The following KDM8 variants were observed in gnomAD, a reference collection of about 807,000 sequenced individuals.
KDM8 encodes lysine demethylase 8.
A neutral mutation model predicts 46.9 loss-of-function variants in KDM8; 35 were observed. The observed-to-expected ratio is 0.75, with a 90% CI of 0.57 to 0.99. The LOEUF (loss-of-function observed/expected upper bound fraction) is 0.99. KDM8 is among the 50% of genes least tolerant of loss of function. The probability of loss-of-function intolerance (pLI) is 0.00; values close to 1 mark genes in which losing one functional copy is unlikely to be tolerated. For missense variants in KDM8, 475 were observed against 537.0 expected, an observed-to-expected ratio of 0.88 and a Z score of 1.14; for synonymous variants, 232 against 227.7, an observed-to-expected ratio of 1.02 and a Z score of -0.17.
chr16:27,207,775 G>A (rs1451760925), intron 1 of KDM8, among the ~76,000 whole-genome samples: 1 of 152,186 alleles, frequency 6.6e-6, no homozygotes, highest in African/African-American at 2.4e-5. Context: ...TTTAGAGACA[G>A]GGTCTTTACA....
In KDM8 at chr16:27,214,999, C is replaced by T. The variant is rs1005877843; in HGVS notation, c.789C>T (p.Ile263=). ...TCAACGAGTTCATCAGCAAATACAT[C>T]GTGAATGAGGTACATCATGGGGACT... is the stretch of plus-strand genomic sequence containing the variant. ...MTVNEFISKY[I]VNEPRDVGYL... Residue 263 remains isoleucine (I), a synonymous_variant, in exon 4 of 8, where the codon ATC becomes ATT. Coordinates refer to ENST00000286096, the MANE Select transcript of KDM8 (RefSeq NM_024773.3). The T allele has an allele frequency of 2.7e-5, 43 of 1,613,944 alleles. No individual in the cohort carries two copies. Among genetic ancestry groups the T allele is most frequent in the Middle Eastern group, 1.6e-4 (1 of 6,084 alleles).
Position 27,206,557 on chromosome 16 carries a change from C to T in KDM8, c.-32+2921C>T, listed in dbSNP as rs368117310. The stretch of plus-strand genomic sequence containing the variant: ...AAAGTGCTAGGATGACAGGCGTGAG[C>T]GATGCACGTGGCCTTAATATAAGAC... On this transcript the variant is annotated intron_variant, in intron 1 of 7. Transcript: ENST00000286096. Among the ~76,000 whole-genome samples the T allele has an allele frequency of 4.0e-4, 61 of 152,328 alleles. 1 individual carries two copies. Among genetic ancestry groups the T allele is most frequent in the African/African-American group, 1.4e-3 (57 of 41,568 alleles).
chr16:27,214,340 C>T (rs2083522886), intron 3 of KDM8: 1 of 157,468 alleles, frequency 6.4e-6, no homozygotes, highest in Non-Finnish European at 1.4e-5. Context: ...CAGGAGCTCT[C>T]CTCACAGCAA....
chr16:27,210,705 G>A (rs1351206823), intron 2 of KDM8, 84 bp downstream of exon 2: 3 of 1,378,400 alleles, frequency 2.2e-6, no homozygotes, highest in Middle Eastern at 1.9e-4. Context: ...TCTCCCCTGG[G>A]GTGAGGCCTC....
chr16:27,213,387 G>A (rs2083507708), intron 2 of KDM8, 198 bp from the exon 3 acceptor site: 11 of 519,650 alleles, frequency 2.1e-5, no homozygotes, highest in African/African-American at 3.9e-5. Context: ...TGATGAAATG[G>A]TTAAGAAAAA....
rs1005458462 is a variant in KDM8 at position 27,220,989 on chromosome 16, A to G, written c.*259A>G. Reference sequence around the variant, plus strand: ...GAGCCCAGAAGGACATTGCAGACAGACAGCCTGCATGGGGACTCTGGCATC... The same window carrying G: ...GAGCCCAGAAGGACATTGCAGACAGGCAGCCTGCATGGGGACTCTGGCATC... On this transcript the variant is annotated 3_prime_UTR_variant, in exon 8 of 8. Coordinates refer to ENST00000286096, the MANE Select transcript of KDM8 (RefSeq NM_024773.3). The G allele has an allele frequency of 2.6e-5, 14 of 538,762 alleles. No individual in the cohort carries two copies. The highest frequency in any genetic ancestry group is 2.3e-4 in the African/African-American group (12 of 52,576). The allele number at this position is 538,762 out of a possible 1,614,324, so 33.4% of individuals were successfully genotyped here. A position where few individuals can be genotyped will look rare whatever the true frequency, so the allele number is the denominator to read the frequency against.
intron 7 of KDM8, 24 bp downstream of exon 7, chr16:27,220,509 A>T: frequency 6.2e-7 from 1 of 1,614,036 alleles, no homozygotes; most frequent in Non-Finnish European, 8.5e-7. Context: ...GTCTGGGGTG[A>T]CGTTGCAGGT....
At chr16:27,218,916 C>A in intron 5 of KDM8, 45 bp from the exon 6 acceptor site, 2 of 1,612,380 alleles carry the variant, frequency 1.2e-6, no homozygotes, top group South Asian at 2.2e-5. Flanking sequence ...GCTGCGGTGT[C>A]CCCAGCCGGA....
chr16:27,206,266 C>T (rs899778194), intron 1 of KDM8: 6 of 947,386 alleles, frequency 6.3e-6, no homozygotes, highest in African/African-American at 5.3e-5. Context: ...CTTTTGTGTG[C>T]GTGTGCTTTT....
rs372457448 is a variant in KDM8, at chr16:27,221,194, G to T, written c.*464G>T. The T allele has an allele frequency of 6.7e-6, 2 of 299,938 alleles. No homozygotes were observed. Among genetic ancestry groups the T allele is most frequent in the South Asian group, 6.1e-5 (2 of 32,732 alleles). 18.6% of individuals were successfully genotyped at this position (299,938 alleles called of 1,614,324 possible). A position where few individuals can be genotyped will look rare whatever the true frequency, so the allele number is the denominator to read the frequency against. On this transcript the variant is annotated 3_prime_UTR_variant, in exon 8 of 8. Coordinates refer to ENST00000286096, the MANE Select transcript of KDM8 (RefSeq NM_024773.3). ...GAGGGCAAGGCCAGTCCTCACTGCC[G>T]AGGGCCGAGAAGGCGGTGCCGAGCC...
intron 1 of KDM8, 191 bp downstream of exon 1, chr16:27,203,827 G>C: frequency 2.4e-6 from 1 of 419,998 alleles, no homozygotes; most frequent in Non-Finnish European, 4.3e-6. Context: ...GCTCGTCGCC[G>C]GCCTGCCCTG....
chr16:27,212,727 C>T (rs1408731294), intron 2 of KDM8, among the ~76,000 whole-genome samples: 4 of 152,126 alleles, frequency 2.6e-5, no homozygotes, highest in South Asian at 2.1e-4. Context: ...GAGCAAGACT[C>T]GGTCTCAATA....
rs756974942 is a variant in KDM8, at chr16:27,210,391, G to A, written c.268G>A (p.Asp90Asn). 6.2e-7 allele frequency: 1 copy of A among 1,612,768 alleles called. No individual in the cohort carries two copies. The highest frequency in any genetic ancestry group is 8.5e-7 in the Non-Finnish European group (1 of 1,179,546). ...GGGCACATGGCAGGACGTAGACAAAGACTGGCGCCGGGTCTACGCCATCGG... is the reference window on the plus strand; with the variant it reads ...GGGCACATGGCAGGACGTAGACAAAAACTGGCGCCGGGTCTACGCCATCGG... ...NTGTWQDVDK[D>N]WRRVYAIGCL... is the part of the protein sequence containing the mutation. Residue 90 changes from aspartate (D) to asparagine (N), a missense_variant, in exon 2 of 8, where the codon GAC (aspartate) becomes AAC (asparagine). Coordinates refer to ENST00000286096, the MANE Select transcript of KDM8 (RefSeq NM_024773.3).
chr16:27,207,310 G>C (rs2083438358), intron 1 of KDM8, among the ~76,000 whole-genome samples: 1 of 152,246 alleles, frequency 6.6e-6, no homozygotes, highest in African/African-American at 2.4e-5. Flanking sequence ...CTCAGAGGCT[G>C]AGGCAGGAGA....
Position 27,219,039 on chromosome 16 carries a change from A to G in KDM8, c.922A>G (p.Asn308Asp), listed in dbSNP as rs2083587534. Reference protein sequence around the residue: ...GDGEEEEITINAWFGPQGTIS... With the variant: ...GDGEEEEITIDAWFGPQGTIS... ...TGGGGAGGAGGAGGAAATCACCATCAATGCCTGGTTTGGTCCCCAGGGAAC... is the reference window on the plus strand; with the variant it reads ...TGGGGAGGAGGAGGAAATCACCATCGATGCCTGGTTTGGTCCCCAGGGAAC... The change falls in exon 6 of 8, where the codon AAT (asparagine) becomes GAT (aspartate). Residue 308 changes from asparagine to aspartate, a missense_variant. Transcript: ENST00000286096. The G allele has an allele frequency of 1.9e-6, 3 of 1,613,806 alleles. No individual in the cohort carries two copies. Among genetic ancestry groups the G allele is most frequent in the South Asian group, 1.1e-5 (1 of 91,076 alleles).
chr16:27,205,579 C>T (rs1056481998), intron 1 of KDM8, among the ~76,000 whole-genome samples: 1 of 152,184 alleles, frequency 6.6e-6, no homozygotes, highest in Admixed American at 6.5e-5. Flanking sequence ...TGGCGGCTCA[C>T]ACCTGTAATC....
intron 4 of KDM8, 119 bp downstream of exon 4, chr16:27,215,127 G>T (rs1269300250): frequency 1.7e-6 from 2 of 1,195,632 alleles, no homozygotes; most frequent in Non-Finnish European, 2.4e-6. Flanking sequence ...CTGTAAGTCT[G>T]TGGTCGGAGG....
intron 5 of KDM8, chr16:27,216,283 G>A (rs2083551802): frequency 1.9e-6 from 1 of 516,336 alleles, no homozygotes; most frequent in Non-Finnish European, 3.5e-6. Flanking sequence ...AGGTGATGCT[G>A]GCAGGTGGAG....
chr16:27,210,170 G>A lies in KDM8; in HGVS notation c.47G>A (p.Gly16Asp), dbSNP rs753988443. 3 of 1,613,534 alleles carry A rather than the reference G, an allele frequency of 1.9e-6. No individual in the cohort carries two copies. The highest frequency in any genetic ancestry group is 1.1e-5 in the South Asian group (1 of 91,092). The change falls in exon 2 of 8, where the codon GGC becomes GAC. Residue 16 changes from glycine (G) to aspartate (D), a missense_variant. Transcript: ENST00000286096. ...CCCGCAGAGCCCCTGGCCAGAGAAG[G>A]CACTTTATGGGAGGCCCTCAGGGCG... ...HCPAEPLAREGTLWEALRALL... is the reference protein window; with the variant it reads ...HCPAEPLAREDTLWEALRALL...
Sources: gnomAD v4.1 joint callset for allele counts (sites outside exome capture counted in the v4.1 genomes callset) on GRCh38, gnomAD v4.1.1 for gene constraint, MANE v1.5 for transcripts, NCBI Gene and HGNC (gene_info 2026-07-23, HGNC 2026-07-21) for gene names.